Variants in TCF7L2 observed in about 807,000 individuals in gnomAD.
TCF7L2 encodes the protein transcription factor 7 like 2.
A neutral mutation model predicts 77.9 loss-of-function variants in TCF7L2; 23 were observed. The ratio of observed to expected loss-of-function variants is 0.30; its 90% CI spans 0.21 to 0.42. The LOEUF (loss-of-function observed/expected upper bound fraction) is 0.42, where lower values mean the gene tolerates loss of function less well. Ranked by LOEUF, TCF7L2 falls within the 10% of genes least tolerant of loss-of-function variation. The pLI, the probability that TCF7L2 is intolerant of heterozygous loss-of-function variation, is 1.00. For missense variants in TCF7L2, 654 were observed against 793.1 expected, an observed-to-expected ratio of 0.82 and a Z score of 2.11; for synonymous variants, 413 against 340.2, an observed-to-expected ratio of 1.21 and a Z score of -2.36.
intron 4 of TCF7L2, among the ~76,000 whole-genome samples, chr10:113,026,171 G>T (rs1400807651): frequency 6.6e-6 from 1 of 151,652 alleles, no homozygotes; most frequent in Non-Finnish European, 1.5e-5. Context: ...GAGCCACTGC[G>T]CCTGGCCTAC....
chr10:113,116,029 G>A (rs1353642625), intron 5 of TCF7L2, among the ~76,000 whole-genome samples: 1 of 152,288 alleles, frequency 6.6e-6, no homozygotes, highest in East Asian at 1.9e-4. Flanking sequence ...TACTCAATGT[G>A]TGAATGAGCC....
At chr10:113,127,240 CG>C (rs1354071094) in intron 5 of TCF7L2, among the ~76,000 whole-genome samples, 1 of 94,810 alleles carries the variant, frequency 1.1e-5, no homozygotes, top group Non-Finnish European at 2.0e-5. Context: ...GGAGGGGTTT[CG>C]GGTTTTTTTT....
chr10:113,149,570 T>C (rs890379245), intron 8 of TCF7L2, among the ~76,000 whole-genome samples: 1 of 152,240 alleles, frequency 6.6e-6, no homozygotes, highest in Non-Finnish European at 1.5e-5. Flanking sequence ...TAATGTTTGT[T>C]ACCTTATTTT....
intron 5 of TCF7L2, among the ~76,000 whole-genome samples, chr10:113,070,233 C>A (rs141657127): frequency 0.012 from 1,653 of 139,878 alleles, 20 homozygotes; most frequent in Middle Eastern, 0.051. Flanking sequence ...TCCAGCCTGG[C>A]GACAGAGTGA....
At chr10:112,983,527 C>G (rs1443183072) in intron 4 of TCF7L2, among the ~76,000 whole-genome samples, 1 of 152,184 alleles carries the variant, frequency 6.6e-6, no homozygotes, top group South Asian at 2.1e-4. Flanking sequence ...TTTCAGTTCT[C>G]AAATGGCAGA....
Position 113,092,339 on chromosome 10 carries a change from C to T in TCF7L2, c.553-48845C>T, listed in dbSNP as rs139091438. Among the ~76,000 whole-genome samples, 666 of 152,288 alleles carry T rather than the reference C, an allele frequency of 4.4e-3. 4 individuals carry two copies. Among genetic ancestry groups the T allele is most frequent in the African/African-American group, 0.015 (642 of 41,546 alleles). ...GCTGTGCCAACTTGGGCAAGTTACC[C>T]GACTGATCTGTGCTTCAATTTCTCC... On this transcript the variant is annotated intron_variant, in intron 5 of 13. Coordinates refer to ENST00000627217, the MANE Select transcript of TCF7L2 (RefSeq NM_001146274.2).
intron 5 of TCF7L2, among the ~76,000 whole-genome samples, chr10:113,051,246 C>CACAT (rs749097185): frequency 6.9e-6 from 1 of 145,970 alleles, no homozygotes; most frequent in African/African-American, 2.5e-5. Context: ...CACACACAGA[C>CACAT]ACATACATAT....
chr10:113,164,556 C>T (rs1260557760), intron 13 of TCF7L2, among the ~76,000 whole-genome samples: 1 of 151,212 alleles, frequency 6.6e-6, no homozygotes, highest in Non-Finnish European at 1.5e-5. Context: ...TCCTTCCAAC[C>T]TTCTCACTAC....
intron 5 of TCF7L2, among the ~76,000 whole-genome samples, chr10:113,080,447 T>TACTG (rs1194767197): frequency 1.3e-5 from 2 of 152,124 alleles, no homozygotes; most frequent in African/African-American, 4.8e-5. Flanking sequence ...GGAATTCATA[T>TACTG]ACTGGGGCAA....
At chr10:113,046,656 C>A (rs902670319) in intron 5 of TCF7L2, among the ~76,000 whole-genome samples, 2 of 152,070 alleles carry the variant, frequency 1.3e-5, no homozygotes, top group Non-Finnish European at 2.9e-5. Flanking sequence ...TCTTAGACTA[C>A]TTAAGGATGG....
intron 5 of TCF7L2, among the ~76,000 whole-genome samples, chr10:113,124,465 C>A (rs1043140539): frequency 2.6e-5 from 4 of 151,886 alleles, no homozygotes; most frequent in Non-Finnish European, 5.9e-5. Flanking sequence ...ATTTAAAATA[C>A]GAAAAGGGGG....
intron 5 of TCF7L2, among the ~76,000 whole-genome samples, chr10:113,140,834 T>C (rs1260179644): frequency 6.6e-6 from 1 of 152,110 alleles, no homozygotes; most frequent in East Asian, 1.9e-4. Flanking sequence ...CCCCACAACA[T>C]GTGGAAACGC....
intron 4 of TCF7L2, among the ~76,000 whole-genome samples, chr10:113,000,450 A>G (rs1170321624): frequency 6.6e-6 from 1 of 152,198 alleles, no homozygotes; most frequent in Non-Finnish European, 1.5e-5. Flanking sequence ...GGAGTGGGTC[A>G]TAGTATGGCC....
intron 5 of TCF7L2, among the ~76,000 whole-genome samples, chr10:113,043,039 A>G (rs2052735211): frequency 6.6e-6 from 1 of 152,258 alleles, no homozygotes; most frequent in Non-Finnish European, 1.5e-5. Flanking sequence ...GACATGTTTC[A>G]AAATAATTGT....
chr10:113,002,424 G>A (rs117273740), intron 4 of TCF7L2, among the ~76,000 whole-genome samples: 2 of 152,266 alleles, frequency 1.3e-5, no homozygotes, highest in East Asian at 3.9e-4. Context: ...GGCATCTCGT[G>A]GGCAGAGGCT....
intron 12 of TCF7L2, 100 bp downstream of exon 13, chr10:113,158,817 G>A (rs1254327911): frequency 6.6e-6 from 8 of 1,218,446 alleles, no homozygotes; most frequent in Non-Finnish European, 9.2e-6. Context: ...TATGACATTT[G>A]AACATTCTTT....
intron 4 of TCF7L2, among the ~76,000 whole-genome samples, chr10:113,032,555 C>T (rs1476430148): frequency 6.6e-6 from 1 of 152,188 alleles, no homozygotes; most frequent in African/African-American, 2.4e-5. Flanking sequence ...TTCCCTTCAC[C>T]ATGTACTTTG....
chr10:113,022,483 G>A (rs2048416474), intron 4 of TCF7L2, among the ~76,000 whole-genome samples: 1 of 152,178 alleles, frequency 6.6e-6, no homozygotes, highest in African/African-American at 2.4e-5. Flanking sequence ...GAAAGCTGGG[G>A]AAATGAGTGG....
At chr10:113,112,849 A>C (rs2063300613) in intron 5 of TCF7L2, among the ~76,000 whole-genome samples, 1 of 152,182 alleles carries the variant, frequency 6.6e-6, no homozygotes, top group Admixed American at 6.5e-5. Flanking sequence ...GAGTTTGGCC[A>C]GTGTTTCTGT....
Sources: allele counts gnomAD v4.1 joint callset (sites outside exome capture counted in the v4.1 genomes callset), GRCh38; gene constraint gnomAD v4.1.1; transcripts MANE v1.5; gene names NCBI Gene and HGNC (gene_info 2026-07-23, HGNC 2026-07-21).